TRHDE: variants seen among roughly 807,000 people sequenced by gnomAD.
TRHDE encodes thyrotropin releasing hormone degrading enzyme, also known as thyrotropin-releasing hormone-degrading ectoenzyme.
In TRHDE, 72 loss-of-function variants were observed where a neutral mutation model predicts 125.7. The observed-to-expected ratio is 0.57, with a 90% CI of 0.47 to 0.70. The LOEUF is 0.70. Among genes scored for constraint, TRHDE ranks in the 30% least tolerant of loss-of-function variants. TRHDE has a pLI of 0.00. For missense variants in TRHDE, 1,110 were observed against 1,327.1 expected, an observed-to-expected ratio of 0.84 and a Z score of 2.54; for synonymous variants, 509 against 509.1, an observed-to-expected ratio of 1.00 and a Z score of 0.00.
At chr12:72,406,243 T>C (rs1273507456) in intron 3 of TRHDE, among the ~76,000 whole-genome samples, 1 of 152,074 alleles carries the variant, frequency 6.6e-6, no homozygotes, top group Non-Finnish European at 1.5e-5. Context: ...ATCAGTTGCA[T>C]TGAAGTAGAA....
At position 72,667,104 on chromosome 12, in the gene TRHDE, C is replaced by G. The variant is rs1875139246; in HGVS notation, c.*3909C>G. On this transcript the variant is annotated 3_prime_UTR_variant, in exon 19 of 19. Transcript: ENST00000261180. ...GAAAAACAATGCAATTTTAGTACTA[C>G]TGGATTAGATGCAGTAAAGGAATCC... The G allele has an allele frequency of 6.6e-6, 1 of 151,820 alleles. No homozygotes were observed. Among genetic ancestry groups the G allele is most frequent in the Non-Finnish European group, 1.5e-5 (1 of 67,886 alleles). 9.4% of individuals were successfully genotyped at this position (151,820 alleles called of 1,614,324 possible).
At chr12:72,271,811 A>G (rs1350262016), upstream of TRHDE, 1 of 422,232 alleles carries the variant, frequency 2.4e-6, no homozygotes, top group Non-Finnish European at 4.8e-6. Context: ...GCAAACCCAG[A>G]GCTTCATCTA....
intron 5 of TRHDE, 49 bp from the exon 6 acceptor site, chr12:72,499,449 T>C (rs1189891836): frequency 7.5e-6 from 12 of 1,594,806 alleles, no homozygotes; most frequent in Middle Eastern, 1.7e-4. Flanking sequence ...CATATACATA[T>C]GTCTAACTAT....
intron 3 of TRHDE, among the ~76,000 whole-genome samples, chr12:72,396,998 A>G (rs1400651721): frequency 6.6e-6 from 1 of 152,156 alleles, no homozygotes; most frequent in Non-Finnish European, 1.5e-5. Flanking sequence ...TGATGCATTT[A>G]TATCTTCACG....
chr12:72,496,379 G>T (rs1300667296), intron 5 of TRHDE, among the ~76,000 whole-genome samples: 1 of 152,168 alleles, frequency 6.6e-6, no homozygotes. Context: ...GGCTGGAGAG[G>T]TCTCACAAAC....
intron 3 of TRHDE, among the ~76,000 whole-genome samples, chr12:72,441,388 C>T (rs1018042558): frequency 1.7e-4 from 26 of 151,752 alleles, no homozygotes; most frequent in Non-Finnish European, 3.2e-4. Context: ...TCTTTTTGCT[C>T]TTCCTACCTC....
chr12:72,315,843 A>T (rs190295751), intron 2 of TRHDE, among the ~76,000 whole-genome samples: 43 of 152,242 alleles, frequency 2.8e-4, no homozygotes, highest in Admixed American at 5.9e-4. Context: ...ATGTAGCTTG[A>T]TTTTCTGCAG....
intron 2 of TRHDE, among the ~76,000 whole-genome samples, chr12:72,265,253 A>C (rs527605562): frequency 1.3e-5 from 2 of 152,094 alleles, no homozygotes; most frequent in East Asian, 3.9e-4. Flanking sequence ...ATTTTAGCCA[A>C]AGTCTAATTG....
At chr12:72,316,214 G>A (rs961667419) in intron 2 of TRHDE, among the ~76,000 whole-genome samples, 2 of 152,054 alleles carry the variant, frequency 1.3e-5, no homozygotes, top group Non-Finnish European at 2.9e-5. Context: ...CAAGAGCTTT[G>A]GCAAGAAAAT....
chr12:72,397,516 C>T (rs946874023), intron 3 of TRHDE, among the ~76,000 whole-genome samples: 1 of 152,130 alleles, frequency 6.6e-6, no homozygotes, highest in African/African-American at 2.4e-5. Context: ...GCCTATGAGG[C>T]CCTCCACCAT....
At chr12:72,456,683 A>G (rs979244045) in intron 3 of TRHDE, among the ~76,000 whole-genome samples, 1 of 152,000 alleles carries the variant, frequency 6.6e-6, no homozygotes, top group African/African-American at 2.4e-5. Flanking sequence ...AAACATTTTT[A>G]TGATTAGTAC....
chr12:72,651,359 C>T, intron 15 of TRHDE, among the ~76,000 whole-genome samples: 1 of 151,976 alleles, frequency 6.6e-6, no homozygotes, highest in East Asian at 1.9e-4. Flanking sequence ...TCCAAATACT[C>T]CTTTAATCAT....
At chr12:72,619,712 ATTCTTAAAT>A (rs567901337) in intron 13 of TRHDE, among the ~76,000 whole-genome samples, 11 of 152,244 alleles carry the variant, frequency 7.2e-5, no homozygotes, top group Non-Finnish European at 1.3e-4. Flanking sequence ...GAGCCTTTTG[ATTCTTAAAT>A]TTCTTATCAC....
intron 3 of TRHDE, among the ~76,000 whole-genome samples, chr12:72,463,251 T>G (rs938687158): frequency 1.3e-5 from 2 of 152,334 alleles, no homozygotes; most frequent in African/African-American, 4.8e-5. Flanking sequence ...TCTTCAGCAT[T>G]AAAACTCTTG....
intron 2 of TRHDE, among the ~76,000 whole-genome samples, chr12:72,192,920 T>C (rs189573907): frequency 3.5e-4 from 53 of 152,188 alleles, no homozygotes; most frequent in Admixed American, 1.3e-3. Context: ...GTGAGGTGGT[T>C]TTGTGAATAT....
chr12:72,194,943 T>C (rs1305752735), intron 2 of TRHDE, among the ~76,000 whole-genome samples: 1 of 152,092 alleles, frequency 6.6e-6, no homozygotes, highest in African/African-American at 2.4e-5. Flanking sequence ...AAGAAATACC[T>C]GAGACTGGGT....
intron 5 of TRHDE, among the ~76,000 whole-genome samples, chr12:72,478,383 C>T (rs1167252844): frequency 6.6e-6 from 1 of 152,120 alleles, no homozygotes; most frequent in Non-Finnish European, 1.5e-5. Flanking sequence ...GTTTTCCTTT[C>T]TCTGTTCCCT....
At chr12:72,556,167 T>G (rs773189185) in intron 7 of TRHDE, among the ~76,000 whole-genome samples, 1 of 152,222 alleles carries the variant, frequency 6.6e-6, no homozygotes, top group Non-Finnish European at 1.5e-5. Context: ...GTTCTTTAGT[T>G]TTTATTTTGT....
intron 2 of TRHDE, among the ~76,000 whole-genome samples, chr12:72,323,101 G>T (rs757083859): frequency 1.1e-4 from 17 of 152,098 alleles, no homozygotes; most frequent in Non-Finnish European, 1.5e-5. Flanking sequence ...GGTTCCCTGT[G>T]ATCTTGGGAA....
Sources: gnomAD v4.1 joint callset for allele counts (sites outside exome capture counted in the v4.1 genomes callset) on GRCh38, gnomAD v4.1.1 for gene constraint, MANE v1.5 for transcripts, NCBI Gene and HGNC (gene_info 2026-07-23, HGNC 2026-07-21) for gene names.